Variants in HECW1 observed in about 807,000 individuals in gnomAD.
HECW1 encodes E3 ubiquitin-protein ligase HECW1.
A neutral mutation model predicts 182.3 loss-of-function variants in HECW1; 61 were observed. The ratio of observed to expected loss-of-function variants is 0.33; its 90% CI spans 0.27 to 0.41. HECW1 has a LOEUF of 0.41. Among genes scored for constraint, HECW1 ranks in the 10% least tolerant of loss-of-function variants. HECW1 has a pLI of 1.00. For synonymous variants in HECW1, 859 were observed against 832.6 expected (o/e 1.03, Z -0.55); for missense variants, 1,739 against 2,108.9 (o/e 0.82, Z 3.44).
intron 6 of HECW1, among the ~76,000 whole-genome samples, chr7:43,369,075 G>A (rs966474602): frequency 2.6e-5 from 4 of 152,134 alleles, no homozygotes; most frequent in African/African-American, 9.7e-5. Flanking sequence ...TGGATCCAAG[G>A]CACTCATCAG....
intron 3 of HECW1, among the ~76,000 whole-genome samples, chr7:43,279,472 C>T (rs1803607263): frequency 6.6e-6 from 1 of 151,894 alleles, no homozygotes; most frequent in Non-Finnish European, 1.5e-5. Flanking sequence ...CAAGGTTCTG[C>T]CTCATCTAGA....
chr7:43,270,078 G>A (rs1003225225), intron 3 of HECW1, among the ~76,000 whole-genome samples: 2 of 152,064 alleles, frequency 1.3e-5, no homozygotes, highest in African/African-American at 4.8e-5. Context: ...AATAATTGTT[G>A]GATTTTTTTC....
At chr7:43,552,414 T>A (rs565813812) in intron 28 of HECW1, 78 bp downstream of exon 28, 1 of 929,798 alleles carries the variant, frequency 1.1e-6, no homozygotes, top group Non-Finnish European at 1.8e-6. Flanking sequence ...TTTGTTGAGG[T>A]GAAATTGATG....
intron 21 of HECW1, among the ~76,000 whole-genome samples, chr7:43,501,812 CAAAG>C (rs1341715580): frequency 2.0e-5 from 3 of 150,192 alleles, no homozygotes; most frequent in African/African-American, 7.4e-5. Context: ...GCCCATACAA[CAAAG>C]AGAGTCCCTA....
chr7:43,358,090 C>T (rs372755821), intron 5 of HECW1, among the ~76,000 whole-genome samples: 23 of 152,114 alleles, frequency 1.5e-4, no homozygotes, highest in African/African-American at 3.9e-4. Context: ...TAGTAGTGCC[C>T]GTTTGGGATT....
At chr7:43,548,895 G>T (rs778670511) in intron 26 of HECW1, among the ~76,000 whole-genome samples, 36 of 152,200 alleles carry the variant, frequency 2.4e-4, no homozygotes, top group Admixed American at 3.3e-4. Flanking sequence ...AGAGAGCTGA[G>T]ATTGTACCAC....
chr7:43,387,943 T>G (rs2074865598), intron 6 of HECW1, among the ~76,000 whole-genome samples: 1 of 152,278 alleles, frequency 6.6e-6, no homozygotes, highest in Admixed American at 6.5e-5. Flanking sequence ...AACATTAGCC[T>G]GATTTAGAAC....
At chr7:43,196,240 G>A (rs1583915526) in intron 2 of HECW1, among the ~76,000 whole-genome samples, 1 of 152,136 alleles carries the variant, frequency 6.6e-6, no homozygotes, top group African/African-American at 2.4e-5. Flanking sequence ...TAGGAGATAT[G>A]TGTTTGTTTC....
intron 6 of HECW1, among the ~76,000 whole-genome samples, chr7:43,375,020 T>C (rs2074270297): frequency 6.6e-6 from 1 of 152,132 alleles, no homozygotes; most frequent in African/African-American, 2.4e-5. Context: ...TAGTCCTTCT[T>C]ACCATTCATT....
chr7:43,444,383 G>T lies in HECW1; in HGVS notation c.1211G>T (p.Gly404Val). 1 of 1,614,060 alleles carries T rather than the reference G, an allele frequency of 6.2e-7. No homozygotes were observed. Among genetic ancestry groups the T allele is most frequent in the South Asian group, 1.1e-5 (1 of 91,068 alleles). ...CTGGGTGAGGGCAGTGTCCCCGATG[G>T]TCCAGGGAACCAAAGCATAGAGCTT... is the stretch of plus-strand genomic sequence containing the variant. Reference protein sequence around the residue: ...EQLGEGSVPDGPGNQSIELSR... With the variant: ...EQLGEGSVPDVPGNQSIELSR... Residue 404 changes from glycine to valine, a missense_variant, in exon 11 of 30, where the codon GGT becomes GTT. Transcript: ENST00000395891. This position sits in a 1 kb window ranked among gnomAD's most constrained non-coding sequence, Gnocchi z 4.3.
chr7:43,549,721 T>A (rs2081722635), intron 26 of HECW1, among the ~76,000 whole-genome samples: 1 of 152,090 alleles, frequency 6.6e-6, no homozygotes, highest in African/African-American at 2.4e-5. Flanking sequence ...CTTCCCAGGG[T>A]CAGGCTGCCC....
intron 13 of HECW1, among the ~76,000 whole-genome samples, chr7:43,462,045 T>A (rs1369775463): frequency 6.6e-6 from 1 of 152,222 alleles, no homozygotes; most frequent in African/African-American, 2.4e-5. Flanking sequence ...AGCTTTCCTC[T>A]GTAAGGTCAA....
intron 24 of HECW1, among the ~76,000 whole-genome samples, chr7:43,524,400 A>G (rs1370953743): frequency 6.6e-6 from 1 of 152,206 alleles, no homozygotes; most frequent in East Asian, 1.9e-4. Context: ...GGAAACATAC[A>G]TTGTGTGGGA....
intron 3 of HECW1, among the ~76,000 whole-genome samples, chr7:43,279,552 T>C (rs1358194883): frequency 6.6e-6 from 1 of 152,128 alleles, no homozygotes; most frequent in African/African-American, 2.4e-5. Flanking sequence ...CTTAGTTCCT[T>C]GAACCTGTTG....
chr7:43,490,754 T>G (rs2078897839), intron 17 of HECW1, among the ~76,000 whole-genome samples: 3 of 152,134 alleles, frequency 2.0e-5, no homozygotes. Context: ...TTAGTTTTTT[T>G]GTTTTGTTTT....
At chr7:43,130,070 A>G in intron 2 of HECW1, among the ~76,000 whole-genome samples, 1 of 152,234 alleles carries the variant, frequency 6.6e-6, no homozygotes, top group East Asian at 1.9e-4. Flanking sequence ...ATATGAAATC[A>G]CACCATAAAT....
intron 24 of HECW1, among the ~76,000 whole-genome samples, chr7:43,519,849 T>C (rs900525841): frequency 2.0e-5 from 3 of 152,180 alleles, no homozygotes; most frequent in African/African-American, 7.2e-5. Context: ...TGTGTGTATG[T>C]AGCTAGAGAT....
intron 8 of HECW1, among the ~76,000 whole-genome samples, chr7:43,420,540 T>C (rs1584848127): frequency 6.6e-6 from 1 of 152,214 alleles, no homozygotes; most frequent in East Asian, 1.9e-4. Flanking sequence ...AAACTGTCTG[T>C]ATTTTCAGAT....
chr7:43,509,164 CTCTT>C (rs1349120075), intron 24 of HECW1, 43 bp downstream of exon 24: 2 of 1,596,012 alleles, frequency 1.3e-6, no homozygotes, highest in Non-Finnish European at 8.6e-7. Context: ...GAAAGTTCTC[CTCTT>C]TCTTAGTCAG....
Sources: allele counts gnomAD v4.1 joint callset (sites outside exome capture counted in the v4.1 genomes callset), GRCh38; gene constraint gnomAD v4.1.1; non-coding constraint Gnocchi (gnomAD v3.1); transcripts MANE v1.5; gene names NCBI Gene and HGNC (gene_info 2026-07-23, HGNC 2026-07-21).